The following HSDL1 variants were observed in gnomAD, a reference collection of about 807,000 sequenced individuals.
HSDL1 encodes the protein inactive hydroxysteroid dehydrogenase-like protein 1.
A neutral mutation model predicts 31.5 loss-of-function variants in HSDL1; 29 were observed. The ratio of observed to expected loss-of-function variants is 0.92; its 90% confidence interval spans 0.69 to 1.26. The LOEUF (loss-of-function observed/expected upper bound fraction) is 1.26. Among genes scored for constraint, HSDL1 ranks in the 50% most tolerant of loss-of-function variants. HSDL1 has a pLI of 0.00. For synonymous variants in HSDL1, 222 were observed against 155.2 expected (o/e 1.43, Z -3.20); for missense variants, 503 against 416.6 (o/e 1.21, Z -1.81).
rs200238362 is a variant in HSDL1 at position 84,129,629 on chromosome 16, C to T, written c.813G>A (p.Ser271=). 8.3e-5 allele frequency: 134 copies of T among 1,614,104 alleles called. No individual in the cohort carries two copies. The East Asian group carries it at 1.9e-3, about 23-fold the overall frequency. ...FLHRCSWLVP[S]PKVYAHHAVS... is the part of the protein sequence containing the mutation. ...CAGCATGATGTGCATAGACTTTTGG[C>T]GAAGGCACCAACCACGAGCACCTGT... Residue 271 remains serine, a synonymous_variant, in exon 5 of 6, where the codon TCG becomes TCA. Transcript: ENST00000219439.
At chr16:84,129,898 G>A in intron 4 of HSDL1, 88 bp downstream of exon 4, 6 of 1,454,636 alleles carry the variant, frequency 4.1e-6, no homozygotes, top group Non-Finnish European at 5.6e-6. Flanking sequence ...GTGAGTTGCT[G>A]ACAAAGAGTT....
intron 1 of HSDL1, among the ~76,000 whole-genome samples, chr16:84,138,414 G>A (rs950196697): frequency 5.3e-5 from 8 of 152,172 alleles, no homozygotes; most frequent in African/African-American, 1.9e-4. Context: ...TGACCATAGT[G>A]AGCAATACCA....
intron 5 of HSDL1, among the ~76,000 whole-genome samples, chr16:84,127,875 C>T (rs1158845800): frequency 1.3e-5 from 2 of 151,394 alleles, no homozygotes; most frequent in East Asian, 2.0e-4. Context: ...CCCACCACCA[C>T]GCCTAGCTAA....
chr16:84,143,258 T>C (rs2086785571), intron 1 of HSDL1, among the ~76,000 whole-genome samples: 1 of 152,194 alleles, frequency 6.6e-6, no homozygotes, highest in Non-Finnish European at 1.5e-5. Flanking sequence ...CAAAGGAGTA[T>C]TATTCAGCCA....
rs546156139 is a variant in HSDL1, at chr16:84,123,608, C to T, written c.*1022G>A. 6.6e-5 allele frequency: 10 copies of T among 152,662 alleles called. No homozygotes were observed. In the South Asian group the frequency reaches 1.0e-3, roughly 16 times the overall value. 9.5% of individuals were successfully genotyped at this position (152,662 alleles called of 1,614,324 possible). A position where few individuals can be genotyped will look rare whatever the true frequency, so the allele number is the denominator to read the frequency against. ...CTTATATTGACAGATATGTCACACA[C>T]GTAATTTGTCCATATTTTACTATTC... is the stretch of plus-strand genomic sequence containing the variant. On this transcript the variant is annotated 3_prime_UTR_variant, in exon 6 of 6. Coordinates refer to ENST00000219439, the MANE Select transcript of HSDL1 (RefSeq NM_031463.5).
At chr16:84,127,655 G>C (rs922723990) in intron 5 of HSDL1, among the ~76,000 whole-genome samples, 2 of 138,062 alleles carry the variant, frequency 1.4e-5, no homozygotes, top group Non-Finnish European at 1.6e-5. Context: ...TGATAATTAA[G>C]AAAACTCCGA....
rs2086574709 is a variant in HSDL1 at position 84,123,511 on chromosome 16, T to A, written c.*1119A>T. The stretch of plus-strand genomic sequence containing the variant: ...GCGTATTGTGAGGGTTTGTGCATAA[T>A]TATCTTCACACCAGTAAAGGTATTC... On this transcript the variant is annotated 3_prime_UTR_variant, in exon 6 of 6. Coordinates refer to ENST00000219439, the MANE Select transcript of HSDL1 (RefSeq NM_031463.5). The A allele has an allele frequency of 6.6e-6, 1 of 152,266 alleles. No homozygotes were observed. Among genetic ancestry groups the A allele is most frequent in the African/African-American group, 2.4e-5 (1 of 41,464 alleles). The allele number at this position is 152,266 out of a possible 1,614,324, so 9.4% of individuals were successfully genotyped here.
rs765233099 is a variant in HSDL1, at chr16:84,131,058, T to C, written c.220+44A>G. On this transcript the variant is annotated intron_variant, in intron 3 of 5. Coordinates refer to ENST00000219439, the MANE Select transcript of HSDL1 (RefSeq NM_031463.5). ...ATTCAATAGCTCCTTGAATAATGCA[T>C]CCGACTTCACAGAAAAGATTATTTT... The C allele has an allele frequency of 6.8e-6, 10 of 1,478,860 alleles. No individual in the cohort carries two copies. The African/African-American group carries it at 7.0e-5, about 10-fold the overall frequency. The allele number at this position is 1,478,860 out of a possible 1,614,324, so 91.6% of individuals were successfully genotyped here.
chr16:84,129,398 A>T, intron 5 of HSDL1, 150 bp downstream of exon 5: 1 of 651,556 alleles, frequency 1.5e-6, no homozygotes, highest in Non-Finnish European at 2.6e-6. Flanking sequence ...AAAGAAAGAA[A>T]ATTTAGTGTC....
In HSDL1 at chr16:84,133,678, G is replaced by A. The variant is rs149807473; in HGVS notation, c.-7+1866C>T. Reference sequence around the variant, plus strand: ...CGGGAGGAGGAAGTTACAGTGAGCCGAGATCATGCCACTGCGCTCCAGCCT... The same window carrying A: ...CGGGAGGAGGAAGTTACAGTGAGCCAAGATCATGCCACTGCGCTCCAGCCT... On this transcript the variant is annotated intron_variant, in intron 2 of 5. Transcript: ENST00000219439. Among the ~76,000 whole-genome samples the A allele has an allele frequency of 4.2e-3, 633 of 152,244 alleles. 2 individuals are homozygous for A. The highest frequency in any genetic ancestry group is 0.014 in the African/African-American group (600 of 41,532).
chr16:84,133,236 T>A (rs2086684417), intron 2 of HSDL1, among the ~76,000 whole-genome samples: 1 of 152,028 alleles, frequency 6.6e-6, no homozygotes, highest in Admixed American at 6.5e-5. Flanking sequence ...TAAATATATA[T>A]AAATGTGTAG....
At chr16:84,141,165 C>T (rs1047760630) in intron 1 of HSDL1, among the ~76,000 whole-genome samples, 3 of 152,170 alleles carry the variant, frequency 2.0e-5, no homozygotes, top group African/African-American at 7.2e-5. Flanking sequence ...ACCACATGGA[C>T]CCTTTGGTGA....
chr16:84,142,633 C>T (rs377048964), intron 1 of HSDL1, among the ~76,000 whole-genome samples: 9 of 151,502 alleles, frequency 5.9e-5, no homozygotes, highest in South Asian at 2.1e-4. Flanking sequence ...TTAGTAGAGA[C>T]GGGGGTTTCA....
intron 5 of HSDL1, among the ~76,000 whole-genome samples, chr16:84,128,134 C>G (rs976895349): frequency 6.6e-6 from 1 of 151,144 alleles, no homozygotes; most frequent in Non-Finnish European, 1.5e-5. Context: ...ACTAAAAACA[C>G]AAAAATTTGC....
Position 84,124,562 on chromosome 16 carries a change from G to A in HSDL1, c.*68C>T. The A allele has an allele frequency of 2.1e-6, 2 of 955,454 alleles. No individual in the cohort carries two copies. The highest frequency in any genetic ancestry group is 3.4e-6 in the Non-Finnish European group (2 of 585,192). The allele number at this position is 955,454 out of a possible 1,614,324, so 59.2% of individuals were successfully genotyped here. ...GAAACACAGGAGATAAATTAAATGT[G>A]TTTTTCCAAATGTCAGAATATCGAG... On this transcript the variant is annotated 3_prime_UTR_variant, in exon 6 of 6. Coordinates refer to ENST00000219439, the MANE Select transcript of HSDL1 (RefSeq NM_031463.5).
intron 1 of HSDL1, among the ~76,000 whole-genome samples, chr16:84,139,510 C>T (rs952783113): frequency 1.3e-5 from 2 of 152,196 alleles, no homozygotes; most frequent in African/African-American, 4.8e-5. Flanking sequence ...TCCAGAGGAA[C>T]ACAGCCCTGC....
intron 1 of HSDL1, among the ~76,000 whole-genome samples, chr16:84,141,074 GAA>G (rs1425377431): frequency 5.0e-5 from 7 of 138,634 alleles, no homozygotes; most frequent in African/African-American, 2.4e-4. Flanking sequence ...CTGGGCGACA[GAA>G]CGAGACTCCG....
chr16:84,133,397 G>A (rs191971385), intron 2 of HSDL1, among the ~76,000 whole-genome samples: 5 of 152,272 alleles, frequency 3.3e-5, no homozygotes, highest in Admixed American at 2.6e-4. Context: ...AGTTGATATT[G>A]CTGCTATATT....
intron 2 of HSDL1, among the ~76,000 whole-genome samples, chr16:84,132,780 TA>T (rs1307579308): frequency 6.6e-6 from 1 of 152,110 alleles, no homozygotes; most frequent in Non-Finnish European, 1.5e-5. Context: ...CATATCAGGC[TA>T]AACCAACCGT....
Sources: allele counts gnomAD v4.1 joint callset (sites outside exome capture counted in the v4.1 genomes callset), GRCh38; gene constraint gnomAD v4.1.1; transcripts MANE v1.5; gene names NCBI Gene and HGNC (gene_info 2026-07-23, HGNC 2026-07-21).